Variants in PP2D1 observed in about 807,000 individuals in gnomAD.
PP2D1 encodes protein phosphatase 2C like domain containing 1, also known as protein phosphatase 2C-like domain-containing protein 1.
A neutral mutation model predicts 30.2 loss-of-function variants in PP2D1; 25 were observed. The observed-to-expected ratio is 0.83, with a 90% confidence interval of 0.60 to 1.16. The LOEUF (loss-of-function observed/expected upper bound fraction) is 1.16. Among genes scored for constraint, PP2D1 ranks in the 50% most tolerant of loss-of-function variants. The pLI is 0.00. For synonymous variants in PP2D1, 260 were observed against 258.9 expected, an observed-to-expected ratio of 1.00 and a Z score of -0.04; for missense variants, 760 against 742.4, an observed-to-expected ratio of 1.02 and a Z score of -0.28.
Position 19,985,428 on chromosome 3 carries a change from T to G in PP2D1, c.1845A>C (p.Thr615=), listed in dbSNP as rs926297933. The change falls in exon 3 of 3, where the codon ACA becomes ACC. Residue 615 remains threonine (T), a synonymous_variant. Transcript: ENST00000389050. ...TTCCATTGAGAAATATTACCATAACTGTAATGTTGTCTCTGGAGCCAGCCA... is the reference window on the plus strand; with the variant it reads ...TTCCATTGAGAAATATTACCATAACGGTAATGTTGTCTCTGGAGCCAGCCA... ...ALLAGSRDNI[T]VMVIFLNGSE... 3.3e-6 allele frequency: 5 copies of G among 1,535,888 alleles called. No homozygotes were observed. The African/African-American group carries it at 6.8e-5, about 21-fold the overall frequency.
chr3:19,982,835 A>G (rs760665175), downstream of PP2D1, among the ~76,000 whole-genome samples: 1 of 152,060 alleles, frequency 6.6e-6, no homozygotes, highest in Non-Finnish European at 1.5e-5. Flanking sequence ...GGAAGGAAAT[A>G]GTAGATATGA....
chr3:19,992,134 G>C (rs530431571), intron 2 of PP2D1, among the ~76,000 whole-genome samples: 2 of 152,284 alleles, frequency 1.3e-5, no homozygotes, highest in South Asian at 4.1e-4. Context: ...TAGCATAAGA[G>C]TCTTATTCAT....
chr3:19,981,609 G>A (rs917509809), downstream of PP2D1, among the ~76,000 whole-genome samples: 3 of 136,614 alleles, frequency 2.2e-5, no homozygotes, highest in South Asian at 4.7e-4. Context: ...GCGAGACTCC[G>A]CCTCAAAAAA....
At chr3:19,998,931 T>G (rs1697216811) in intron 2 of PP2D1, among the ~76,000 whole-genome samples, 2 of 152,214 alleles carry the variant, frequency 1.3e-5, no homozygotes, top group South Asian at 4.1e-4. Flanking sequence ...TTCTCTCTTT[T>G]ACAATTTGAA....
chr3:20,007,277 G>T (rs1697331270), intron 1 of PP2D1, among the ~76,000 whole-genome samples: 1 of 152,068 alleles, frequency 6.6e-6, no homozygotes, highest in Admixed American at 6.5e-5. Flanking sequence ...TTTTATTGTT[G>T]TATTGGTTTA....
chr3:20,000,010 C>G (rs771756649), intron 2 of PP2D1, among the ~76,000 whole-genome samples: 2 of 152,140 alleles, frequency 1.3e-5, no homozygotes, highest in African/African-American at 4.8e-5. Flanking sequence ...TTTCTGGCAC[C>G]TTGACATTTG....
At chr3:19,980,070 A>AAACTCAAGTT (rs1177779947) in exon 4 of PP2D1, 1 of 152,200 alleles carries the variant, frequency 6.6e-6, no homozygotes, top group Non-Finnish European at 1.5e-5. Flanking sequence ...TTTTCCTGAA[A>AAACTCAAGTT]AACTCAAGTT....
At chr3:19,982,777 AAG>A (rs962545249), downstream of PP2D1, among the ~76,000 whole-genome samples, 1 of 151,472 alleles carries the variant, frequency 6.6e-6, no homozygotes, top group Non-Finnish European at 1.5e-5. Flanking sequence ...AAAAAAAAAA[AAG>A]AGAGCATGTA....
downstream of PP2D1, among the ~76,000 whole-genome samples, chr3:19,981,474 TGTG>T (rs773716342): frequency 2.6e-5 from 4 of 151,524 alleles, no homozygotes; most frequent in Non-Finnish European, 5.9e-5. Flanking sequence ...ATTAGCTGGG[TGTG>T]GTGGTATGTG....
rs1000465847 is a variant in PP2D1, at chr3:19,986,828, C to T, written c.1091-646G>A. ...GGTGGGCGGATCACCTGAGGTCAGG[C>T]GTTCGAGACCAGCCTGACCAACATG... On this transcript the variant is annotated intron_variant, in intron 2 of 2. Transcript: ENST00000389050. 2.6e-5 allele frequency among the ~76,000 whole-genome samples: 4 copies of T among 151,912 alleles called. No individual in the cohort carries two copies. In the South Asian group the frequency reaches 6.2e-4, roughly 24 times the overall value.
At chr3:20,012,006 C>T in intron 1 of PP2D1, 44 bp downstream of exon 1, 1 of 1,409,426 alleles carries the variant, frequency 7.1e-7, no homozygotes, top group Non-Finnish European at 9.6e-7. Context: ...TATAATTACT[C>T]ATTGGCTATA....
chr3:19,988,926 C>T (rs1354162897), intron 2 of PP2D1, among the ~76,000 whole-genome samples: 1 of 151,700 alleles, frequency 6.6e-6, no homozygotes, highest in Non-Finnish European at 1.5e-5. Flanking sequence ...GTGGAGGTTG[C>T]AGTAATACGA....
chr3:19,991,844 G>C (rs557365525), intron 2 of PP2D1, among the ~76,000 whole-genome samples: 224 of 152,248 alleles, frequency 1.5e-3, no homozygotes, highest in Non-Finnish European at 2.1e-3. Context: ...TTTCATTTCA[G>C]ACCCATTTAT....
At chr3:20,004,617 T>C (rs1426872127) in intron 1 of PP2D1, among the ~76,000 whole-genome samples, 1 of 152,162 alleles carries the variant, frequency 6.6e-6, no homozygotes, top group East Asian at 1.9e-4. Context: ...TAGAGCTGGA[T>C]GATATATTTC....
chr3:19,999,916 T>C (rs931530166), intron 2 of PP2D1, among the ~76,000 whole-genome samples: 1 of 152,178 alleles, frequency 6.6e-6, no homozygotes, highest in Non-Finnish European at 1.5e-5. Flanking sequence ...GCAGTGGACA[T>C]GCACTTAGCT....
chr3:19,991,233 T>G (rs1697115937), intron 2 of PP2D1, among the ~76,000 whole-genome samples: 1 of 152,328 alleles, frequency 6.6e-6, no homozygotes, highest in South Asian at 2.1e-4. Context: ...GTGTTTCTTA[T>G]GCAGAGGGTA....
chr3:19,980,570 C>A (rs1004647993), downstream of PP2D1, among the ~76,000 whole-genome samples: 7 of 151,988 alleles, frequency 4.6e-5, no homozygotes, highest in Admixed American at 2.0e-4. Flanking sequence ...TCTAGTTTAC[C>A]TCCTTCATCC....
chr3:20,010,518 A>G (rs1281101827), intron 1 of PP2D1, among the ~76,000 whole-genome samples: 2 of 152,022 alleles, frequency 1.3e-5, no homozygotes, highest in African/African-American at 4.8e-5. Context: ...AATACCTACA[A>G]TAGGCCAGGC....
intron 2 of PP2D1, among the ~76,000 whole-genome samples, chr3:20,000,361 T>C (rs1697236072): frequency 6.6e-6 from 1 of 152,174 alleles, no homozygotes; most frequent in Middle Eastern, 3.2e-3. Context: ...ATGAAAAGGG[T>C]AGTAGAACTG....
Sources: gnomAD v4.1 joint callset for allele counts (sites outside exome capture counted in the v4.1 genomes callset) on GRCh38, gnomAD v4.1.1 for gene constraint, MANE v1.5 for transcripts, NCBI Gene and HGNC (gene_info 2026-07-23, HGNC 2026-07-21) for gene names.